Variants in TIAM2 observed in about 807,000 individuals in gnomAD.
TIAM2 encodes the protein TIAM Rac1 associated GEF 2, also known as rho guanine nucleotide exchange factor TIAM2.
TIAM2 carries 80 observed loss-of-function variants against 152.9 expected under a neutral mutation model. The ratio of observed to expected loss-of-function variants is 0.52; its 90% CI spans 0.44 to 0.63. The LOEUF (loss-of-function observed/expected upper bound fraction) is 0.63, where lower values mean the gene tolerates loss of function less well. TIAM2 is among the 30% of genes least tolerant of loss of function. The pLI, the probability that TIAM2 is intolerant of heterozygous loss-of-function variation, is 0.00. For synonymous variants in TIAM2, 804 were observed against 838.0 expected (o/e 0.96, Z 0.70); for missense variants, 1,965 against 2,120.1 (o/e 0.93, Z 1.44).
At chr6:155,037,837 C>T (rs980050923) in intron 1 of TIAM2, among the ~76,000 whole-genome samples, 30 of 152,242 alleles carry the variant, frequency 2.0e-4, no homozygotes, top group African/African-American at 7.0e-4. Context: ...GCCCTCAGAG[C>T]TTGTTTCTGA....
chr6:155,102,818 T>C (rs756690065), intron 2 of TIAM2, among the ~76,000 whole-genome samples: 24 of 151,336 alleles, frequency 1.6e-4, no homozygotes, highest in Non-Finnish European at 3.4e-4. Flanking sequence ...TGTATACATA[T>C]ATTTTCCTCC....
At chr6:155,077,470 T>G (rs1435059460) in intron 1 of TIAM2, among the ~76,000 whole-genome samples, 2 of 152,222 alleles carry the variant, frequency 1.3e-5, no homozygotes, top group Non-Finnish European at 2.9e-5. Flanking sequence ...TAGAGAAATA[T>G]TTTTTAAAAA....
At chr6:155,096,188 C>T (rs894644536) in intron 2 of TIAM2, among the ~76,000 whole-genome samples, 2 of 152,028 alleles carry the variant, frequency 1.3e-5, no homozygotes, top group African/African-American at 4.8e-5. Context: ...AGAAAAAGGT[C>T]ACTTTAAAGA....
chr6:155,030,415 C>T (rs1776801188), intron 1 of TIAM2, among the ~76,000 whole-genome samples: 1 of 152,136 alleles, frequency 6.6e-6, no homozygotes, highest in African/African-American at 2.4e-5. Context: ...CATTTTGTTA[C>T]TATGATCTCC....
chr6:155,043,243 C>G lies in TIAM2; in HGVS notation c.-208-47046C>G, dbSNP rs564464899. Among the ~76,000 whole-genome samples, 61 of 152,278 alleles carry G rather than the reference C, an allele frequency of 4.0e-4. No individual in the cohort carries two copies. In the South Asian group the frequency reaches 0.012, roughly 29 times the overall value. On this transcript the variant is annotated intron_variant, in intron 1 of 26. Coordinates refer to ENST00000682666, the MANE Select transcript of TIAM2 (RefSeq NM_012454.4). ...GCCAGGGGGCTTTTAGAGATCATCT[C>G]ATCCAGTGGCTCTCAGCACTGGCTA...
At chr6:155,094,724 G>GTTTTTTTT (rs200208029) in intron 2 of TIAM2, among the ~76,000 whole-genome samples, 236 of 136,186 alleles carry the variant, frequency 1.7e-3, no homozygotes, top group African/African-American at 6.0e-3. Flanking sequence ...TATATCTATG[G>GTTTTTTTT]TTTTTTTTTT....
intron 1 of TIAM2, among the ~76,000 whole-genome samples, chr6:155,063,993 G>A (rs768392938): frequency 1.1e-4 from 17 of 152,130 alleles, no homozygotes; most frequent in Middle Eastern, 3.4e-3. Flanking sequence ...ATGGAGTCCC[G>A]TATGACTATC....
chr6:155,028,587 TATA>T (rs1443669911), intron 1 of TIAM2, among the ~76,000 whole-genome samples: 5 of 136,542 alleles, frequency 3.7e-5, no homozygotes, highest in African/African-American at 1.3e-4. Flanking sequence ...ATATACTACA[TATA>T]ATATATATAC....
chr6:155,224,435 A>G (rs1782169483), intron 15 of TIAM2, among the ~76,000 whole-genome samples: 1 of 152,146 alleles, frequency 6.6e-6, no homozygotes, highest in Admixed American at 6.5e-5. Context: ...ACATGATGGT[A>G]TTTTCACCAT....
In TIAM2 at chr6:155,211,231, C is replaced by T; in HGVS notation, c.3092C>T (p.Thr1031Ile). 1 of 1,613,536 alleles carries T rather than the reference C, an allele frequency of 6.2e-7. No homozygotes were observed. Among genetic ancestry groups the T allele is most frequent in the Non-Finnish European group, 8.5e-7 (1 of 1,179,538 alleles). ...TTCAGCAACGTCCCTGATATCACAA[C>T]AGGTCTGAAAAGGAGTCAGACAGAT... is the stretch of plus-strand genomic sequence containing the variant. ...NDFSNVPDIT[T>I]GLKRSQTDGT... The change falls in exon 15 of 27, where the codon ACA becomes ATA. Residue 1031 changes from threonine to isoleucine, a missense_variant. Around this residue, in one of 3 missense-constraint regions of TIAM2, gnomAD observed 935 missense variants for 980.0 expected, o/e 0.95. Coordinates refer to ENST00000682666, the MANE Select transcript of TIAM2 (RefSeq NM_012454.4).
chr6:155,228,969 G>A (rs1411293489), intron 15 of TIAM2, among the ~76,000 whole-genome samples: 1 of 152,208 alleles, frequency 6.6e-6, no homozygotes, highest in African/African-American at 2.4e-5. Flanking sequence ...TAGGCACTCA[G>A]GATTTGCCAC....
chr6:155,205,795 A>C (rs1458100305), intron 14 of TIAM2, among the ~76,000 whole-genome samples: 2 of 152,176 alleles, frequency 1.3e-5, no homozygotes, highest in African/African-American at 4.8e-5. Context: ...AGCCTATCAC[A>C]GTGAGCACCT....
Position 155,248,008 on chromosome 6 carries a change from G to T in TIAM2, c.3661G>T (p.Asp1221Tyr), listed in dbSNP as rs1420930534. Residue 1221 changes from aspartate (D) to tyrosine (Y), a missense_variant, in exon 20 of 27, where the codon GAC becomes TAC. Asp to Tyr is a radical substitution (Grantham distance 160). This residue lies in a region of TIAM2 where 935 missense variants were observed against 980.0 expected (regional missense o/e 0.95). Coordinates refer to ENST00000682666, the MANE Select transcript of TIAM2 (RefSeq NM_012454.4). ...TATCCATCTGCTTGTAGCTAAAACT[G>T]ACAAAGCCTTCAAGGCTTTTCTGGA... ...VQKVLERAKT[D>Y]KAFKAFLDAR... The T allele has an allele frequency of 6.2e-7, 1 of 1,614,020 alleles. No individual in the cohort carries two copies. The highest frequency in any genetic ancestry group is 8.5e-7 in the Non-Finnish European group (1 of 1,179,924).
At chr6:155,075,739 T>C (rs1777942175) in intron 1 of TIAM2, among the ~76,000 whole-genome samples, 1 of 152,210 alleles carries the variant, frequency 6.6e-6, no homozygotes, top group Admixed American at 6.5e-5. Context: ...TAATTTTATA[T>C]TCGAAAGAAT....
At chr6:155,076,305 G>T (rs1172780946) in intron 1 of TIAM2, among the ~76,000 whole-genome samples, 1 of 151,936 alleles carries the variant, frequency 6.6e-6, no homozygotes, top group East Asian at 1.9e-4. Context: ...AATAAATGTG[G>T]GTGTCATCCT....
chr6:155,048,331 A>G (rs1046001564), intron 1 of TIAM2, among the ~76,000 whole-genome samples: 3 of 152,062 alleles, frequency 2.0e-5, no homozygotes, highest in Admixed American at 6.6e-5. Context: ...GGTCTTCAGC[A>G]ATCCTCCCAC....
chr6:155,237,495 G>A (rs1198357370), intron 15 of TIAM2, among the ~76,000 whole-genome samples: 1 of 152,214 alleles, frequency 6.6e-6, no homozygotes, highest in Non-Finnish European at 1.5e-5. Flanking sequence ...TCTGTGTGGG[G>A]CTCCAACCCC....
At position 155,082,666 on chromosome 6, in the gene TIAM2, C is replaced by CAATGAATAAATA. The variant is rs1554228916; in HGVS notation, c.-208-7620_-208-7619insGAATAAATAAAT. 2.8e-5 allele frequency among the ~76,000 whole-genome samples: 4 copies of CAATGAATAAATA among 141,376 alleles called. No individual in the cohort carries two copies. In the South Asian group the frequency reaches 9.3e-4, roughly 33 times the overall value. The allele number at this position is 141,376 out of a possible 152,430, so 92.7% of individuals were successfully genotyped here. A position where few individuals can be genotyped will look rare whatever the true frequency, so the allele number is the denominator to read the frequency against. On this transcript the variant is annotated intron_variant, in intron 1 of 26. Coordinates refer to ENST00000682666, the MANE Select transcript of TIAM2 (RefSeq NM_012454.4). ...ACTCCATCTCAACCCAAAAAAACCC[C>CAATGAATAAATA]AATAAATAAATAAATAAATAAATAA...
intron 1 of TIAM2, among the ~76,000 whole-genome samples, chr6:155,008,395 C>G (rs1778433051): frequency 6.6e-6 from 1 of 152,126 alleles, no homozygotes; most frequent in Non-Finnish European, 1.5e-5. Context: ...TACCTCAAAC[C>G]TCAAGAAATA....
Sources: gnomAD v4.1 joint callset for allele counts (sites outside exome capture counted in the v4.1 genomes callset) on GRCh38, gnomAD v4.1.1 for gene constraint, gnomAD v4.1.1 regional missense constraint, MANE v1.5 for transcripts, NCBI Gene and HGNC (gene_info 2026-07-23, HGNC 2026-07-21) for gene names.